The following PTPRD variants were observed in gnomAD, a reference collection of about 807,000 sequenced individuals.
PTPRD encodes the protein protein tyrosine phosphatase receptor type D, also known as receptor-type tyrosine-protein phosphatase delta.
A neutral mutation model predicts 214.5 loss-of-function variants in PTPRD; 34 were observed. That is an observed-to-expected ratio of 0.16 (90% confidence interval 0.12 to 0.21). PTPRD has a LOEUF of 0.21. PTPRD is among the 10% of genes least tolerant of loss of function. The pLI, the probability that PTPRD is intolerant of heterozygous loss-of-function variation, is 1.00. For missense variants in PTPRD, 2,545 were observed against 2,398.7 expected (o/e 1.06, Z -1.27); for synonymous variants, 1,128 against 845.7 (o/e 1.33, Z -5.79).
At chr9:9,616,516 C>T (rs769311271) in intron 7 of PTPRD, among the ~76,000 whole-genome samples, 9 of 151,760 alleles carry the variant, frequency 5.9e-5, no homozygotes, top group Non-Finnish European at 1.2e-4. Context: ...CTCATAGACA[C>T]GAAATAAATT....
chr9:8,966,833 G>T (rs562752817), intron 11 of PTPRD, among the ~76,000 whole-genome samples: 2 of 152,036 alleles, frequency 1.3e-5, no homozygotes, highest in African/African-American at 4.8e-5. Flanking sequence ...TACAGAAGGG[G>T]AAAAAATATT....
chr9:8,410,393 T>G (rs2093418321), intron 35 of PTPRD, among the ~76,000 whole-genome samples: 1 of 152,194 alleles, frequency 6.6e-6, no homozygotes, highest in African/African-American at 2.4e-5. Flanking sequence ...AACTTGGGTC[T>G]GTTTGCTCTG....
In PTPRD at chr9:10,078,514, T is replaced by TA. The variant is rs71485315; in HGVS notation, c.-544-44725dup. On this transcript the variant is annotated intron_variant, in intron 3 of 45. Coordinates refer to ENST00000381196, the MANE Select transcript of PTPRD (RefSeq NM_002839.4). ...CTGGGCGACAGACCAAGACTCCATCTAAAAAAAAAAAAAAAAAAAAAAAAG... is the reference window on the plus strand; with the variant it reads ...CTGGGCGACAGACCAAGACTCCATCTAAAAAAAAAAAAAAAAAAAAAAAAAG... 9.3e-3 allele frequency among the ~76,000 whole-genome samples: 733 copies of TA among 78,720 alleles called. 3 individuals carry two copies. Among genetic ancestry groups the TA allele is most frequent in the Non-Finnish European group, 0.012 (485 of 40,796 alleles). 51.6% of individuals were successfully genotyped at this position (78,720 alleles called of 152,430 possible).
At chr9:9,677,051 C>CA (rs1184397885) in intron 7 of PTPRD, among the ~76,000 whole-genome samples, 3 of 151,994 alleles carry the variant, frequency 2.0e-5, no homozygotes. Context: ...GAGTAGGTTG[C>CA]AAAAATTTTC....
intron 3 of PTPRD, among the ~76,000 whole-genome samples, chr9:10,077,213 T>G (rs1234675658): frequency 6.6e-6 from 1 of 152,174 alleles, no homozygotes; most frequent in Admixed American, 6.5e-5. Flanking sequence ...TGTAATACTT[T>G]ATCATCCTTT....
intron 8 of PTPRD, among the ~76,000 whole-genome samples, chr9:9,519,886 A>G (rs528632519): frequency 2.6e-4 from 40 of 152,220 alleles, no homozygotes; most frequent in South Asian, 1.7e-3. Context: ...AAGGGCTGGA[A>G]AAGCCTTGCT....
chr9:10,056,646 T>G (rs558160292), intron 3 of PTPRD, among the ~76,000 whole-genome samples: 1 of 152,208 alleles, frequency 6.6e-6, no homozygotes, highest in Admixed American at 6.5e-5. Flanking sequence ...AAGTAAAAGC[T>G]AGCATGTTCC....
chr9:8,472,008 T>C (rs892432895), intron 30 of PTPRD, among the ~76,000 whole-genome samples: 10 of 152,282 alleles, frequency 6.6e-5, no homozygotes, highest in Admixed American at 5.9e-4. Flanking sequence ...AAATGCATAA[T>C]CTGGTTTTGT....
intron 11 of PTPRD, among the ~76,000 whole-genome samples, chr9:8,967,260 G>C (rs999466147): frequency 4.6e-5 from 7 of 152,168 alleles, no homozygotes; most frequent in African/African-American, 7.2e-5. Context: ...AGAACTTAAA[G>C]CAGAATTGCT....
At chr9:8,636,615 G>C (rs2096443704) in intron 13 of PTPRD, 84 bp downstream of exon 13, 1 of 1,503,662 alleles carries the variant, frequency 6.7e-7, no homozygotes, top group East Asian at 2.3e-5. Flanking sequence ...CCTTTTATCA[G>C]AGTAAAGCAA....
chr9:8,950,850 G>T (rs1349700221), intron 11 of PTPRD, among the ~76,000 whole-genome samples: 2 of 151,636 alleles, frequency 1.3e-5, no homozygotes, highest in Non-Finnish European at 2.9e-5. Context: ...CTAGAACCTG[G>T]GTCTACCTAC....
chr9:8,806,488 T>C (rs1212911346), intron 11 of PTPRD, among the ~76,000 whole-genome samples: 2 of 152,176 alleles, frequency 1.3e-5, no homozygotes, highest in Admixed American at 1.3e-4. Context: ...TAATACCTGC[T>C]ACACTCAAAC....
chr9:10,391,819 G>C (rs1307316313), intron 2 of PTPRD, among the ~76,000 whole-genome samples: 1 of 151,726 alleles, frequency 6.6e-6, no homozygotes, highest in Admixed American at 6.6e-5. Context: ...GATCCTTACT[G>C]TGAACTTACT....
At chr9:9,691,179 A>G (rs2097263747) in intron 7 of PTPRD, among the ~76,000 whole-genome samples, 1 of 151,942 alleles carries the variant, frequency 6.6e-6, no homozygotes, top group Admixed American at 6.6e-5. Flanking sequence ...ATTGTTAAAT[A>G]TACAATTAGA....
intron 44 of PTPRD, among the ~76,000 whole-genome samples, chr9:8,323,922 TGTCACTTA>T (rs1435706919): frequency 6.6e-6 from 1 of 152,172 alleles, no homozygotes; most frequent in Non-Finnish European, 1.5e-5. Flanking sequence ...CTCTTGACTT[TGTCACTTA>T]GTCACTTGAT....
chr9:8,398,374 G>C (rs2091694830), intron 36 of PTPRD, among the ~76,000 whole-genome samples: 1 of 152,094 alleles, frequency 6.6e-6, no homozygotes, highest in Admixed American at 6.6e-5. Context: ...GCGTTATCAG[G>C]AAAGAGGTTC....
intron 8 of PTPRD, among the ~76,000 whole-genome samples, chr9:9,572,060 C>A (rs926582666): frequency 2.0e-5 from 3 of 150,986 alleles, no homozygotes; most frequent in African/African-American, 7.3e-5. Context: ...AATGAAAAAA[C>A]CCTAATAAAC....
rs868218170 is a variant in PTPRD at position 10,540,692 on chromosome 9, T to G, written c.-600+71706A>C. Among the ~76,000 whole-genome samples the G allele has an allele frequency of 6.1e-4, 93 of 152,304 alleles. 1 individual carries two copies. The highest frequency in any genetic ancestry group is 1.1e-3 in the Admixed American group (17 of 15,294). ...GCTAGGTGGATGCATTTTTCCCTGC[T>G]CAAAAAGAATGTGGTAATTTTTGTT... On this transcript the variant is annotated intron_variant, in intron 2 of 45. Coordinates refer to ENST00000381196, the MANE Select transcript of PTPRD (RefSeq NM_002839.4).
chr9:10,241,025 A>T (rs1234848910), intron 3 of PTPRD, among the ~76,000 whole-genome samples: 2 of 151,776 alleles, frequency 1.3e-5, no homozygotes, highest in Non-Finnish European at 2.9e-5. Context: ...TAGAAAAAAA[A>T]AAATGACAAA....
Sources: gnomAD v4.1 joint callset for allele counts (sites outside exome capture counted in the v4.1 genomes callset) on GRCh38, gnomAD v4.1.1 for gene constraint, MANE v1.5 for transcripts, NCBI Gene and HGNC (gene_info 2026-07-23, HGNC 2026-07-21) for gene names.